The following SLC25A21 variants were observed in gnomAD, a reference collection of about 807,000 sequenced individuals.
SLC25A21 encodes the protein solute carrier family 25 member 21, also known as mitochondrial 2-oxodicarboxylate carrier.
Under a neutral mutation model 43.8 loss-of-function variants are expected in SLC25A21, and 47 were observed. The observed-to-expected ratio is 1.07, with a 90% confidence interval of 0.85 to 1.37. SLC25A21 has a LOEUF of 1.37. Ranked by LOEUF, SLC25A21 falls within the 40% of genes most tolerant of loss-of-function variation. SLC25A21 has a pLI of 0.00. For missense variants in SLC25A21, 352 were observed against 350.2 expected (o/e 1.00, Z -0.04); for synonymous variants, 131 against 121.3 (o/e 1.08, Z -0.52).
intron 1 of SLC25A21, among the ~76,000 whole-genome samples, chr14:36,894,834 G>C (rs934679813): frequency 6.6e-6 from 1 of 152,058 alleles, no homozygotes; most frequent in Non-Finnish European, 1.5e-5. Flanking sequence ...TTATATGCTG[G>C]ATTACGTTTA....
intron 1 of SLC25A21, among the ~76,000 whole-genome samples, chr14:37,069,708 C>G (rs773483444): frequency 1.3e-5 from 2 of 152,142 alleles, no homozygotes; most frequent in Non-Finnish European, 2.9e-5. Flanking sequence ...TACCACATTT[C>G]CAGTTTTATT....
At chr14:36,705,772 G>A (rs925177601) in intron 7 of SLC25A21, among the ~76,000 whole-genome samples, 1 of 152,174 alleles carries the variant, frequency 6.6e-6, no homozygotes, top group African/African-American at 2.4e-5. Flanking sequence ...GCCAGTCAGA[G>A]TGCGTGAAAT....
intron 2 of SLC25A21, among the ~76,000 whole-genome samples, chr14:36,848,207 ACT>A (rs1367801569): frequency 6.6e-6 from 1 of 152,088 alleles, no homozygotes; most frequent in African/African-American, 2.4e-5. Flanking sequence ...AGTCAATGAT[ACT>A]CTGTCTTACA....
At chr14:36,697,016 A>C (rs535276617) in intron 7 of SLC25A21, among the ~76,000 whole-genome samples, 76 of 152,226 alleles carry the variant, frequency 5.0e-4, no homozygotes, top group African/African-American at 1.8e-3. Context: ...TGTCGATTTT[A>C]GATCTTTCCT....
chr14:36,898,904 T>C (rs1182354681), intron 1 of SLC25A21, among the ~76,000 whole-genome samples: 1 of 152,202 alleles, frequency 6.6e-6, no homozygotes, highest in African/African-American at 2.4e-5. Context: ...TATTGTATTC[T>C]TGAAAATGCT....
At chr14:36,744,567 C>G (rs983806252) in intron 3 of SLC25A21, among the ~76,000 whole-genome samples, 1 of 93,228 alleles carries the variant, frequency 1.1e-5, no homozygotes, top group Non-Finnish European at 2.2e-5. Context: ...AAATATAAGA[C>G]TTGAAACTAT....
intron 5 of SLC25A21, among the ~76,000 whole-genome samples, chr14:36,728,587 G>C (rs556585396): frequency 6.6e-6 from 1 of 152,154 alleles, no homozygotes; most frequent in Admixed American, 6.5e-5. Flanking sequence ...ACATTGCTTT[G>C]TTATAACAAA....
intron 1 of SLC25A21, among the ~76,000 whole-genome samples, chr14:36,995,420 C>G (rs560832818): frequency 2.6e-5 from 4 of 152,026 alleles, no homozygotes; most frequent in African/African-American, 7.2e-5. Flanking sequence ...GAGAACATGA[C>G]AAAAAAAGTA....
chr14:36,801,321 T>C (rs1034871257), intron 3 of SLC25A21, among the ~76,000 whole-genome samples: 8 of 152,180 alleles, frequency 5.3e-5, no homozygotes, highest in African/African-American at 1.9e-4. Flanking sequence ...TATAGATCTT[T>C]GGGCTCTCTT....
intron 1 of SLC25A21, among the ~76,000 whole-genome samples, chr14:37,037,904 T>G (rs1961363131): frequency 6.6e-6 from 1 of 152,192 alleles, no homozygotes; most frequent in Non-Finnish European, 1.5e-5. Flanking sequence ...AGAAATCGCT[T>G]GGGAAAATGG....
chr14:36,795,866 A>G (rs1458950000), intron 3 of SLC25A21, among the ~76,000 whole-genome samples: 1 of 152,218 alleles, frequency 6.6e-6, no homozygotes, highest in African/African-American at 2.4e-5. Flanking sequence ...CAGGCAGCTC[A>G]TGCAGACTAG....
At chr14:36,809,718 T>C (rs1386514700) in intron 3 of SLC25A21, among the ~76,000 whole-genome samples, 2 of 152,128 alleles carry the variant, frequency 1.3e-5, no homozygotes, top group Non-Finnish European at 2.9e-5. Context: ...TTTAATGTTT[T>C]TAAATAAAAG....
At chr14:36,717,530 G>A (rs565689075) in intron 6 of SLC25A21, among the ~76,000 whole-genome samples, 31 of 152,298 alleles carry the variant, frequency 2.0e-4, no homozygotes, top group South Asian at 1.5e-3. Context: ...GGAGGAGCAC[G>A]GCACCCTGCA....
At chr14:36,795,216 G>A (rs1384528864) in intron 3 of SLC25A21, among the ~76,000 whole-genome samples, 1 of 152,116 alleles carries the variant, frequency 6.6e-6, no homozygotes, top group Non-Finnish European at 1.5e-5. Context: ...GCTACTGAAA[G>A]GTATACAGCA....
intron 1 of SLC25A21, among the ~76,000 whole-genome samples, chr14:36,971,063 T>C (rs1028362350): frequency 2.0e-5 from 3 of 152,206 alleles, no homozygotes; most frequent in African/African-American, 7.2e-5. Context: ...TCAAAATGTT[T>C]ACAGTTCAGG....
chr14:36,753,733 A>C (rs1256077788), intron 3 of SLC25A21, among the ~76,000 whole-genome samples: 3 of 152,120 alleles, frequency 2.0e-5, no homozygotes, highest in Non-Finnish European at 4.4e-5. Flanking sequence ...GAATTTCAGA[A>C]CCATAGCACT....
At chr14:36,846,808 T>G (rs2138508301) in intron 2 of SLC25A21, among the ~76,000 whole-genome samples, 1 of 152,374 alleles carries the variant, frequency 6.6e-6, no homozygotes, top group East Asian at 1.9e-4. Context: ...AGACAAGGTC[T>G]GTGGCCCACT....
chr14:36,889,193 G>C (rs544470018), intron 1 of SLC25A21, among the ~76,000 whole-genome samples: 1 of 152,090 alleles, frequency 6.6e-6, no homozygotes, highest in Non-Finnish European at 1.5e-5. Flanking sequence ...AGAGGGAGAA[G>C]GTTGACTCCA....
intron 1 of SLC25A21, among the ~76,000 whole-genome samples, chr14:36,949,346 G>C (rs1892748933): frequency 6.6e-6 from 1 of 152,158 alleles, no homozygotes; most frequent in Non-Finnish European, 1.5e-5. Flanking sequence ...TATATACTGT[G>C]AAAATTGTTT....
Sources: gnomAD v4.1 joint callset for allele counts (sites outside exome capture counted in the v4.1 genomes callset) on GRCh38, gnomAD v4.1.1 for gene constraint, MANE v1.5 for transcripts, NCBI Gene and HGNC (gene_info 2026-07-23, HGNC 2026-07-21) for gene names.